CA10: variants seen among roughly 807,000 people sequenced by gnomAD.
The protein encoded by CA10 is carbonic anhydrase-related protein 10.
CA10 carries 14 observed loss-of-function variants against 44.2 expected under a neutral mutation model. That is an observed-to-expected ratio of 0.32 (90% CI 0.21 to 0.50). The LOEUF (loss-of-function observed/expected upper bound fraction) is 0.50. Ranked by LOEUF, CA10 falls within the 20% of genes least tolerant of loss-of-function variation. The pLI is 0.99. For missense variants in CA10, 350 were observed against 409.7 expected, an observed-to-expected ratio of 0.85 and a Z score of 1.26; for synonymous variants, 159 against 141.6, an observed-to-expected ratio of 1.12 and a Z score of -0.87.
chr17:51,708,558 G>A (rs2143482755), intron 4 of CA10, among the ~76,000 whole-genome samples: 1 of 152,284 alleles, frequency 6.6e-6, no homozygotes, highest in African/African-American at 2.4e-5. Context: ...CTCTGTGATG[G>A]TTAATGTTGA....
intron 3 of CA10, among the ~76,000 whole-genome samples, chr17:51,890,792 A>T (rs1210974552): frequency 6.6e-6 from 1 of 152,186 alleles, no homozygotes; most frequent in Non-Finnish European, 1.5e-5. Flanking sequence ...AGCTGCCTTT[A>T]TTCTACTTAT....
intron 1 of CA10, among the ~76,000 whole-genome samples, chr17:52,113,971 C>G (rs1988838608): frequency 6.6e-6 from 1 of 152,128 alleles, no homozygotes; most frequent in African/African-American, 2.4e-5. Flanking sequence ...GTAGCAAAAA[C>G]AGGAGGATGG....
At chr17:51,664,277 A>G (rs1448080982) in intron 4 of CA10, among the ~76,000 whole-genome samples, 10 of 152,212 alleles carry the variant, frequency 6.6e-5, no homozygotes, top group Admixed American at 6.5e-4. Flanking sequence ...AAAATAGGCC[A>G]ATATCTTTTA....
intron 3 of CA10, among the ~76,000 whole-genome samples, chr17:51,925,546 A>G (rs1982396679): frequency 6.6e-6 from 1 of 152,152 alleles, no homozygotes; most frequent in African/African-American, 2.4e-5. Context: ...AAACCTCAAA[A>G]AGTTAAACAT....
At position 51,858,837 on chromosome 17, in the gene CA10, A is replaced by G. The variant is rs530572810; in HGVS notation, c.279+72153T>C. On this transcript the variant is annotated intron_variant, in intron 3 of 8. Transcript: ENST00000451037. ...CCTTAACATCTAGGCCATATGATGC[A>G]GTGATTAAGAGGAAAGGTGCTAGAG... is the stretch of plus-strand genomic sequence containing the variant. Among the ~76,000 whole-genome samples, 279 of 152,190 alleles carry G rather than the reference A, an allele frequency of 1.8e-3. 1 individual carries two copies. The highest frequency in any genetic ancestry group is 6.4e-3 in the African/African-American group (264 of 41,546).
intron 3 of CA10, among the ~76,000 whole-genome samples, chr17:51,826,798 T>A (rs1057486536): frequency 3.3e-5 from 5 of 152,170 alleles, no homozygotes; most frequent in African/African-American, 1.2e-4. Flanking sequence ...CAGGGTCTCA[T>A]TGGTCTGGCT....
intron 3 of CA10, among the ~76,000 whole-genome samples, chr17:51,781,606 G>C (rs1414222829): frequency 6.6e-6 from 1 of 152,084 alleles, no homozygotes; most frequent in Non-Finnish European, 1.5e-5. Context: ...CTTGAAAGTG[G>C]ACCAATTCAT....
At chr17:51,895,125 T>A (rs1475657056) in intron 3 of CA10, among the ~76,000 whole-genome samples, 1 of 152,098 alleles carries the variant, frequency 6.6e-6, no homozygotes, top group African/African-American at 2.4e-5. Context: ...ACCAGGACCC[T>A]ATACCACACT....
chr17:51,874,120 G>T (rs991407060), intron 3 of CA10, among the ~76,000 whole-genome samples: 2 of 152,176 alleles, frequency 1.3e-5, no homozygotes, highest in South Asian at 4.2e-4. Flanking sequence ...AGAGTGTAGG[G>T]GAAATGTATA....
chr17:51,939,825 T>G (rs1266483883), intron 2 of CA10, among the ~76,000 whole-genome samples: 1 of 152,090 alleles, frequency 6.6e-6, no homozygotes, highest in Non-Finnish European at 1.5e-5. Context: ...TATAAATATT[T>G]TCTTATAGCC....
In CA10 at chr17:51,827,367, TAC is replaced by T. The variant is rs538902446; in HGVS notation, c.280-79551_280-79550del. ...ACACACACACACATACACACACACA[TAC>T]ACACACACACAATTAAACTGTAAGA... On this transcript the variant is annotated intron_variant, in intron 3 of 8. Coordinates refer to ENST00000451037, the MANE Select transcript of CA10 (RefSeq NM_020178.5). 9.3e-5 allele frequency among the ~76,000 whole-genome samples: 14 copies of T among 149,940 alleles called. 1 individual carries two copies. In the South Asian group the frequency reaches 1.1e-3, roughly 11 times the overall value.
At chr17:51,886,475 T>A (rs555872055) in intron 3 of CA10, among the ~76,000 whole-genome samples, 2 of 152,310 alleles carry the variant, frequency 1.3e-5, no homozygotes, top group Admixed American at 6.5e-5. Flanking sequence ...TGTACTAGAA[T>A]TTGCACTGGC....
At chr17:52,095,832 G>T (rs564137706) in intron 1 of CA10, among the ~76,000 whole-genome samples, 2 of 152,098 alleles carry the variant, frequency 1.3e-5, no homozygotes, top group Admixed American at 6.6e-5. Flanking sequence ...TACGTATGCC[G>T]TTCAGTACCT....
chr17:51,697,271 T>G (rs940404884), intron 4 of CA10, among the ~76,000 whole-genome samples: 1 of 152,174 alleles, frequency 6.6e-6, no homozygotes, highest in African/African-American at 2.4e-5. Context: ...GACTTGGGCT[T>G]CCCATTCATC....
intron 2 of CA10, among the ~76,000 whole-genome samples, chr17:52,016,974 C>A (rs796174232): frequency 5.9e-5 from 9 of 152,146 alleles, no homozygotes; most frequent in African/African-American, 2.2e-4. Flanking sequence ...CTCTTGCTCC[C>A]TTTCTCACCA....
Position 51,917,041 on chromosome 17 carries a change from AACTCACCTTTCTTCTGGG to A in CA10, c.279+13931_279+13948del, listed in dbSNP as rs1355224385. On this transcript the variant is annotated intron_variant, in intron 3 of 8. Coordinates refer to ENST00000451037, the MANE Select transcript of CA10 (RefSeq NM_020178.5). ...GTTTCTATTAATTTTGACTGCAATC[AACTCACCTTTCTTCTGGG>A]AATTGCCCTTGACCTCTAAGAACAG... 3.3e-4 allele frequency among the ~76,000 whole-genome samples: 50 copies of A among 152,292 alleles called. No homozygotes were observed. The East Asian group carries it at 7.7e-3, about 24-fold the overall frequency.
In CA10 at chr17:51,633,811, G is replaced by A. The variant is rs183188288; in HGVS notation, c.790-161C>T. 1.7e-3 allele frequency among the ~76,000 whole-genome samples: 260 copies of A among 152,212 alleles called. 3 individuals are homozygous for A. Among genetic ancestry groups the A allele is most frequent in the Admixed American group, 0.015 (229 of 15,286 alleles). On this transcript the variant is annotated intron_variant, in intron 7 of 8. Transcript: ENST00000451037. ...CCCTTTTTTCCATGGGTTCAGTTGA[G>A]CTGAAGGCCCATTATACCTCCACAC...
At chr17:51,882,094 A>C (rs983462411) in intron 3 of CA10, among the ~76,000 whole-genome samples, 1 of 151,888 alleles carries the variant, frequency 6.6e-6, no homozygotes. Flanking sequence ...AAAGAAAAGA[A>C]TAGAGTTACA....
chr17:52,153,829 C>T (rs1989751589), intron 1 of CA10, among the ~76,000 whole-genome samples: 1 of 152,124 alleles, frequency 6.6e-6, no homozygotes, highest in South Asian at 2.1e-4. Flanking sequence ...AGAAACTGTG[C>T]TGTGTGAAAA....
Sources: allele counts gnomAD v4.1 joint callset (sites outside exome capture counted in the v4.1 genomes callset), GRCh38; gene constraint gnomAD v4.1.1; transcripts MANE v1.5; gene names NCBI Gene and HGNC (gene_info 2026-07-23, HGNC 2026-07-21).